The following BRCA1 variants were observed in gnomAD, a reference collection of about 807,000 sequenced individuals.
BRCA1 encodes BRCA1 DNA repair associated, also known as breast cancer type 1 susceptibility protein.
A neutral mutation model predicts 173.7 loss-of-function variants in BRCA1; 140 were observed. That is an observed-to-expected ratio of 0.81 (90% CI 0.70 to 0.93). The LOEUF is 0.93. Among genes scored for constraint, BRCA1 ranks in the 40% least tolerant of loss-of-function variants. The pLI is 0.00. For synonymous variants in BRCA1, 662 were observed against 756.0 expected (o/e 0.88, Z 2.04); for missense variants, 1,983 against 2,172.5 (o/e 0.91, Z 1.73).
At chr17:43,060,224 C>T (rs1172325981) in intron 18 of BRCA1, among the ~76,000 whole-genome samples, 2 of 152,070 alleles carry the variant, frequency 1.3e-5, no homozygotes, top group Admixed American at 1.3e-4. Context: ...GAGGCACGCG[C>T]CACCACGCTG....
chr17:43,125,512 C>G (rs1203905081), upstream of BRCA1: 1 of 329,112 alleles, frequency 3.0e-6, no homozygotes, highest in African/African-American at 2.2e-5. Flanking sequence ...ACAGAAAGAG[C>G]CAAGCGTCTC....
At position 43,057,153 on chromosome 17, in the gene BRCA1, C is replaced by A. The variant is rs80358090; in HGVS notation, c.5194-18G>T. The A allele has an allele frequency of 3.1e-5, 50 of 1,610,960 alleles. No homozygotes were observed. The African/African-American group carries it at 5.7e-4, about 18-fold the overall frequency. The stretch of plus-strand genomic sequence containing the variant: ...AAATCATGCTGAAAGAAACCAAACA[C>A]AACCCATCAGGATAAGAGAAAGAGA... On this transcript the variant is annotated intron_variant, in intron 18 of 22. Transcript: ENST00000357654.
Position 43,071,186 on chromosome 17 carries a change from T to C in BRCA1, c.4728A>G (p.Glu1576=), listed in dbSNP as rs1567775405. 6.2e-7 allele frequency: 1 copy of C among 1,614,140 alleles called. No homozygotes were observed. Among genetic ancestry groups the C allele is most frequent in the South Asian group, 1.1e-5 (1 of 91,082 alleles). Residue 1576 remains glutamate, a synonymous_variant, in exon 15 of 23, where the codon GAA becomes GAG. Transcript: ENST00000357654. The part of the protein sequence containing the change: ...SGISLFSDDP[E]SDPSEDRAPE... ...GGGCTCTGTCTTCAGAAGGATCAGATTCAGGGTCATCAGAGAAGAGGCTGA... is the reference window on the plus strand; with the variant it reads ...GGGCTCTGTCTTCAGAAGGATCAGACTCAGGGTCATCAGAGAAGAGGCTGA...
At chr17:43,096,715 G>A (rs2054155807) in intron 8 of BRCA1, among the ~76,000 whole-genome samples, 2 of 152,086 alleles carry the variant, frequency 1.3e-5, no homozygotes, top group East Asian at 1.9e-4. Flanking sequence ...GAAAGAAAGA[G>A]TTGAAAATGA....
chr17:43,072,875 G>T (rs1181649958), intron 14 of BRCA1, among the ~76,000 whole-genome samples: 2 of 142,912 alleles, frequency 1.4e-5, no homozygotes, highest in Non-Finnish European at 3.1e-5. Context: ...GCCCCAGCTA[G>T]TTTTTTTTTT....
At chr17:43,077,754 G>C (rs1339180716) in intron 12 of BRCA1, among the ~76,000 whole-genome samples, 1 of 118 alleles carries the variant, frequency 8.5e-3, no homozygotes, top group East Asian at 0.17. Flanking sequence ...TTTTTTTTGA[G>C]ATGGAGTTTG....
At position 43,068,039 on chromosome 17, in the gene BRCA1, AG is replaced by A. The variant is rs2052222399; in HGVS notation, c.4987-345del. ...ACGCCTGTAATCTCAGCACTTTGGG[AG>A]GCTGAGGCGGGCAGATCACAAGGTC... is the stretch of plus-strand genomic sequence containing the variant. On this transcript the variant is annotated intron_variant, in intron 15 of 22. Transcript: ENST00000357654. Among the ~76,000 whole-genome samples, 5 of 151,858 alleles carry A rather than the reference AG, an allele frequency of 3.3e-5. No homozygotes were observed. In the South Asian group the frequency reaches 1.0e-3, roughly 32 times the overall value.
At chr17:43,122,640 G>T (rs2154572111) in intron 2 of BRCA1, among the ~76,000 whole-genome samples, 1 of 152,250 alleles carries the variant, frequency 6.6e-6, no homozygotes, top group South Asian at 2.1e-4. Context: ...GGGTGCAATG[G>T]CTCAGGCCTG....
chr17:43,140,193 A>T, intron 1 of BRCA1: 1 of 288,656 alleles, frequency 3.5e-6, no homozygotes, highest in Non-Finnish European at 6.9e-6. Flanking sequence ...GTTGGCGAAC[A>T]CATCCATGTG....
At position 43,093,463 on chromosome 17, in the gene BRCA1, T is replaced by C. The variant is rs587781448; in HGVS notation, c.2068A>G (p.Lys690Glu). Residue 690 changes from lysine to glutamate, a missense_variant, in exon 10 of 23, where the codon AAA (lysine) becomes GAA (glutamate). Lys to Glu is a moderately conservative substitution (Grantham distance 56). Coordinates refer to ENST00000357654, the MANE Select transcript of BRCA1 (RefSeq NM_007294.4). The part of the protein sequence containing the change: ...KSNKPNEQTS[K>E]RHDSDTFPEL... ...GGGAAAGTATCGCTGTCATGTCTTTTACTTGTCTGTTCATTTGGCTTGTTA... is the reference window on the plus strand; with the variant it reads ...GGGAAAGTATCGCTGTCATGTCTTTCACTTGTCTGTTCATTTGGCTTGTTA... The C allele has an allele frequency of 2.5e-6, 4 of 1,614,116 alleles. No individual in the cohort carries two copies. The East Asian group carries it at 6.7e-5, about 27-fold the overall frequency.
Position 43,115,891 on chromosome 17 carries a change from A to G in BRCA1, c.81-112T>C. On this transcript the variant is annotated intron_variant, in intron 2 of 22. Transcript: ENST00000357654. ...ACTTTGAGCTGTTATGACTGAGTCAACATAAGGCCTCAAGTTCGTTCAATA... is the reference window on the plus strand; with the variant it reads ...ACTTTGAGCTGTTATGACTGAGTCAGCATAAGGCCTCAAGTTCGTTCAATA... The G allele has an allele frequency of 6.5e-6, 7 of 1,071,906 alleles. No homozygotes were observed. In the South Asian group the frequency reaches 1.0e-4, roughly 15 times the overall value. 66.4% of individuals were successfully genotyped at this position (1,071,906 alleles called of 1,614,324 possible).
At position 43,100,598 on chromosome 17, in the gene BRCA1, T is replaced by C. The variant is rs12948474; in HGVS notation, c.442-718A>G. Among the ~76,000 whole-genome samples the C allele has an allele frequency of 9.8e-3, 854 of 87,096 alleles. 49 individuals are homozygous for C. The highest frequency in any genetic ancestry group is 0.03 in the East Asian group (89 of 2,928). 57.1% of individuals were successfully genotyped at this position (87,096 alleles called of 152,430 possible). A position where few individuals can be genotyped will look rare whatever the true frequency, so the allele number is the denominator to read the frequency against. On this transcript the variant is annotated intron_variant, in intron 6 of 22. Coordinates refer to ENST00000357654, the MANE Select transcript of BRCA1 (RefSeq NM_007294.4). ...ACATATATATAACATATATATATTA[T>C]ATATATATAACATATATATAACATA...
At chr17:43,096,511 G>A (rs1298446497) in intron 8 of BRCA1, among the ~76,000 whole-genome samples, 1 of 150,358 alleles carries the variant, frequency 6.7e-6, no homozygotes, top group Admixed American at 6.7e-5. Context: ...GTTGGAGATT[G>A]CAGTGAGCCG....
chr17:43,060,279 T>C (rs1342841804), intron 18 of BRCA1, among the ~76,000 whole-genome samples: 1 of 152,004 alleles, frequency 6.6e-6, no homozygotes, highest in Non-Finnish European at 1.5e-5. Context: ...TCTACCTCAG[T>C]GATCTGTCCG....
At chr17:43,140,624 T>C (rs541958376) in intron 1 of BRCA1, among the ~76,000 whole-genome samples, 28 of 152,296 alleles carry the variant, frequency 1.8e-4, no homozygotes, top group African/African-American at 6.3e-4. Flanking sequence ...CCATCCCTTA[T>C]ATCTACTCCT....
At chr17:43,130,566 T>C (rs2055957162) in intron 1 of BRCA1, among the ~76,000 whole-genome samples, 1 of 152,186 alleles carries the variant, frequency 6.6e-6, no homozygotes, top group Non-Finnish European at 1.5e-5. Context: ...TGCCTGCCTC[T>C]GCTTCCCAAA....
At chr17:43,051,554 T>C (rs967002619) in intron 19 of BRCA1, among the ~76,000 whole-genome samples, 1 of 152,192 alleles carries the variant, frequency 6.6e-6, no homozygotes, top group African/African-American at 2.4e-5. Flanking sequence ...TTATCCAGAC[T>C]TGGTACCTCA....
chr17:43,092,984 T>C lies in BRCA1; in HGVS notation c.2547A>G (p.Glu849=), dbSNP rs2154371845. 6.2e-7 allele frequency: 1 copy of C among 1,613,436 alleles called. No homozygotes were observed. Among genetic ancestry groups the C allele is most frequent in the South Asian group, 1.1e-5 (1 of 91,064 alleles). Residue 849 remains glutamate, a synonymous_variant, in exon 10 of 23, where the codon GAA becomes GAG. Transcript: ENST00000357654. The stretch of plus-strand genomic sequence containing the variant: ...GCAAATACTGAGCATCAAGTTCACT[T>C]TCTTCCATTTCTATGCTTGTTTCCC... The part of the protein sequence containing the change: ...HSRETSIEME[E]SELDAQYLQN...
intron 11 of BRCA1, among the ~76,000 whole-genome samples, chr17:43,085,718 G>C (rs1055413291): frequency 2.6e-5 from 4 of 152,106 alleles, no homozygotes; most frequent in Non-Finnish European, 5.9e-5. Context: ...AGAAGTAAGG[G>C]CAAGTGGGCA....
Sources: allele counts gnomAD v4.1 joint callset (sites outside exome capture counted in the v4.1 genomes callset), GRCh38; gene constraint gnomAD v4.1.1; transcripts MANE v1.5; gene names NCBI Gene and HGNC (gene_info 2026-07-23, HGNC 2026-07-21).